Variants in COL4A6 observed in about 807,000 individuals in gnomAD.
COL4A6 encodes collagen alpha-6(IV) chain.
A neutral mutation model predicts 126.7 loss-of-function variants in COL4A6; 59 were observed. That is an observed-to-expected ratio of 0.47 (90% confidence interval 0.38 to 0.58). The LOEUF (loss-of-function observed/expected upper bound fraction) is 0.58. Among genes scored for constraint, COL4A6 ranks in the 20% least tolerant of loss-of-function variants. The pLI is 0.00. For missense variants in COL4A6, 1,285 were observed against 1,337.3 expected (o/e 0.96, Z 0.61); for synonymous variants, 547 against 496.6 (o/e 1.10, Z -1.35).
rs138721350 is a variant in COL4A6, at chrX:108,350,128, G to A, written c.64-39300C>T. Among the ~76,000 whole-genome samples the A allele has an allele frequency of 5.0e-3, 560 of 111,474 alleles. 3 individuals carry two copies. Among genetic ancestry groups the A allele is most frequent in the African/African-American group, 0.017 (508 of 30,650 alleles). ...GATGGGAGAAATTCTGTTGATCGGA[G>A]GGCAGAAGGATAGATAAAAAGGAAC... On this transcript the variant is annotated intron_variant, in intron 2 of 44. Transcript: ENST00000334504.
chrX:108,290,657 C>T (rs1235314493), intron 3 of COL4A6, among the ~76,000 whole-genome samples: 2 of 112,537 alleles, frequency 1.8e-5, no homozygotes, highest in African/African-American at 3.2e-5. Flanking sequence ...GTGCTTAATA[C>T]TTGTTTATTG....
At chrX:108,370,908 G>A (rs1367069054) in intron 2 of COL4A6, among the ~76,000 whole-genome samples, 1 of 111,174 alleles carries the variant, frequency 9.0e-6, no homozygotes, top group African/African-American at 3.3e-5. Context: ...TTGAATAAAC[G>A]ATGGCCTTCC....
chrX:108,392,790 C>G (rs1258343220), intron 2 of COL4A6, among the ~76,000 whole-genome samples: 1 of 111,788 alleles, frequency 8.9e-6, no homozygotes, highest in Non-Finnish European at 1.9e-5. Context: ...CACATGAGAA[C>G]ACAGTGAGAA....
chrX:108,220,934 T>G, intron 4 of COL4A6: 1 of 278,707 alleles, frequency 3.6e-6, no homozygotes. Flanking sequence ...TGAAACTCCA[T>G]CTCTACTAAA....
intron 2 of COL4A6, among the ~76,000 whole-genome samples, chrX:108,377,030 G>T (rs1400739670): frequency 4.4e-5 from 5 of 112,662 alleles, no homozygotes; most frequent in African/African-American, 1.6e-4. Flanking sequence ...CGGCCTCTGA[G>T]TTCCCTTAGT....
intron 2 of COL4A6, among the ~76,000 whole-genome samples, chrX:108,425,733 AACACACAC>A (rs752707988): frequency 3.3e-5 from 3 of 90,579 alleles, no homozygotes; most frequent in Admixed American, 1.2e-4. Context: ...CACACACACA[AACACACAC>A]ACACACACAC....
chrX:108,170,628 G>A lies in COL4A6; in HGVS notation c.3474C>T (p.Pro1158=), dbSNP rs144145420. 1,578 of 1,201,047 alleles carry A rather than the reference G, an allele frequency of 1.3e-3. 17 individuals are homozygous for A. The Admixed American group carries it at 0.025, about 19-fold the overall frequency. Reference sequence around the variant, plus strand: ...ACATACCTTTGGGTCCTATTAATCCGGGGGATCCTAGAGGCCCAATTGCCC... The same window carrying A: ...ACATACCTTTGGGTCCTATTAATCCAGGGGATCCTAGAGGCCCAATTGCCC... ...HQGAIGPLGS[P]GLIGPKGFPG... Residue 1158 remains proline (P), a synonymous_variant, in exon 35 of 45, where the codon CCC becomes CCT. Coordinates refer to ENST00000334504, the MANE Select transcript of COL4A6 (RefSeq NM_033641.4).
intron 18 of COL4A6, 133 bp from the exon 19 acceptor site, chrX:108,191,666 GT>G: frequency 1.4e-6 from 1 of 736,778 alleles, no homozygotes; most frequent in Non-Finnish European, 1.9e-6. Context: ...TTGTATCAGA[GT>G]TAGAAGGATC....
chrX:108,366,062 G>A (rs1418536317), intron 2 of COL4A6, among the ~76,000 whole-genome samples: 1 of 111,655 alleles, frequency 9.0e-6, no homozygotes, highest in African/African-American at 3.3e-5. Context: ...AGTCTTCTGA[G>A]GAGTTTGGAC....
rs5903315 is a variant in COL4A6, at chrX:108,265,390, G to GTTT, written c.145-44019_145-44017dup. Among the ~76,000 whole-genome samples, 596 of 103,887 alleles carry GTTT rather than the reference G, an allele frequency of 5.7e-3. 7 individuals carry two copies. The highest frequency in any genetic ancestry group is 0.02 in the African/African-American group (573 of 28,831). The allele number at this position is 103,887 out of a possible 115,157, so 90.2% of individuals were successfully genotyped here. A position where few individuals can be genotyped will look rare whatever the true frequency, so the allele number is the denominator to read the frequency against. On this transcript the variant is annotated intron_variant, in intron 3 of 44. Coordinates refer to ENST00000334504, the MANE Select transcript of COL4A6 (RefSeq NM_033641.4). ...ATTCATTGATTCATTCACCTATTCAGTTTTTTTTTTTGACAAACATGGAAC... is the reference window on the plus strand; with the variant it reads ...ATTCATTGATTCATTCACCTATTCAGTTTTTTTTTTTTTTGACAAACATGGAAC...
chrX:108,327,063 A>C (rs1377225043), intron 2 of COL4A6, among the ~76,000 whole-genome samples: 2 of 111,343 alleles, frequency 1.8e-5, no homozygotes, highest in Non-Finnish European at 3.8e-5. Context: ...TCCAACTCCC[A>C]GGACAAAGAC....
At position 108,191,440 on chromosome X, in the gene COL4A6, G is replaced by T; in HGVS notation, c.1274C>A (p.Pro425His). Residue 425 changes from proline to histidine, a missense_variant, in exon 19 of 45, where the codon CCT becomes CAT. Transcript: ENST00000334504. ...GRTTIGAAGL[P>H]GRDGLPGPPG... ...TGGGCCTGGCAAACCATCTCTGCCA[G>T]GGAGGCCAGCTGCTCCAATTGTGGT... 1 of 1,211,642 alleles carries T rather than the reference G, an allele frequency of 8.3e-7. No homozygotes were observed. The highest frequency in any genetic ancestry group is 1.1e-6 in the Non-Finnish European group (1 of 895,372).
intron 3 of COL4A6, among the ~76,000 whole-genome samples, chrX:108,230,653 C>T (rs1409533058): frequency 8.9e-6 from 1 of 112,106 alleles, no homozygotes; most frequent in Non-Finnish European, 1.9e-5. Flanking sequence ...TTAAACTTCA[C>T]AGCAGTTTTC....
In COL4A6 at chrX:108,418,379, C is replaced by T. The variant is rs753061119; in HGVS notation, c.63+19563G>A. 8.1e-5 allele frequency among the ~76,000 whole-genome samples: 9 copies of T among 111,784 alleles called. No individual in the cohort carries two copies. The East Asian group carries it at 1.4e-3, about 17-fold the overall frequency. On this transcript the variant is annotated intron_variant, in intron 2 of 44. Coordinates refer to ENST00000334504, the MANE Select transcript of COL4A6 (RefSeq NM_033641.4). ...ACAGTTCACAGACATGAAATGCAAA[C>T]GATTATGATAATCTTCATAAAGGTC...
At chrX:108,408,500 G>A (rs372297986) in intron 2 of COL4A6, among the ~76,000 whole-genome samples, 1 of 111,628 alleles carries the variant, frequency 9.0e-6, no homozygotes, top group African/African-American at 3.3e-5. Context: ...ACTTACTACA[G>A]AGATGTGAAT....
intron 26 of COL4A6, 40 bp downstream of exon 26, chrX:108,179,177 T>C (rs757990321): frequency 8.8e-7 from 1 of 1,132,456 alleles, no homozygotes; most frequent in Non-Finnish European, 1.2e-6. Flanking sequence ...AATATAAGGC[T>C]TTCTGTAGAT....
chrX:108,194,503 C>G (rs752532555), intron 16 of COL4A6, 31 bp downstream of exon 16: 1 of 1,185,425 alleles, frequency 8.4e-7, no homozygotes, highest in Non-Finnish European at 1.1e-6. Flanking sequence ...TTCTACCTAC[C>G]AACCCTGGAT....
chrX:108,211,745 G>A lies in COL4A6; in HGVS notation c.442-5C>T, dbSNP rs1240334943. The A allele has an allele frequency of 8.3e-7, 1 of 1,204,133 alleles. No individual in the cohort carries two copies. The highest frequency in any genetic ancestry group is 1.1e-6 in the Non-Finnish European group (1 of 889,060). The stretch of plus-strand genomic sequence containing the variant: ...TCCTTTCTGACCAGGAAGCCCCTGA[G>A]TAAAATAGTTTAAAAAATTGAAGAA... On this transcript the variant is annotated splice_region_variant and splice_polypyrimidine_tract_variant and intron_variant, in intron 6 of 44. Transcript: ENST00000334504.
intron 36 of COL4A6, 98 bp from the exon 37 acceptor site, chrX:108,169,718 C>T: frequency 2.9e-6 from 3 of 1,047,549 alleles, no homozygotes; most frequent in South Asian, 2.3e-5. Flanking sequence ...GACTGACAGA[C>T]ACCAGAGGCA....
Sources: gnomAD v4.1 joint callset for allele counts (sites outside exome capture counted in the v4.1 genomes callset) on GRCh38, gnomAD v4.1.1 for gene constraint, MANE v1.5 for transcripts, NCBI Gene and HGNC (gene_info 2026-07-23, HGNC 2026-07-21) for gene names.